Variants in RASGEF1B observed in about 807,000 individuals in gnomAD.
RASGEF1B encodes the protein ras-GEF domain-containing family member 1B.
A neutral mutation model predicts 65.7 loss-of-function variants in RASGEF1B; 30 were observed. That is an observed-to-expected ratio of 0.46 (90% confidence interval 0.34 to 0.62). The LOEUF (loss-of-function observed/expected upper bound fraction) is 0.62, where lower values mean the gene tolerates loss of function less well. Among genes scored for constraint, RASGEF1B ranks in the 20% least tolerant of loss-of-function variants. The probability of loss-of-function intolerance (pLI) is 0.01; values close to 1 mark genes in which losing one functional copy is unlikely to be tolerated. For synonymous variants in RASGEF1B, 175 were observed against 194.8 expected (o/e 0.90, Z 0.85); for missense variants, 495 against 580.1 (o/e 0.85, Z 1.51).
At chr4:81,466,691 A>T (rs1204903357) in intron 1 of RASGEF1B, among the ~76,000 whole-genome samples, 1 of 149,476 alleles carries the variant, frequency 6.7e-6, no homozygotes, top group Non-Finnish European at 1.5e-5. Flanking sequence ...CCTGGAAGAC[A>T]GAGGTTGCAG....
chr4:81,470,578 A>C (rs1722988090), intron 1 of RASGEF1B, among the ~76,000 whole-genome samples: 2 of 152,168 alleles, frequency 1.3e-5, no homozygotes. Flanking sequence ...ATAGATCTAC[A>C]CACACCAGCA....
intron 5 of RASGEF1B, among the ~76,000 whole-genome samples, 189 bp downstream of exon 5, chr4:81,447,879 TG>T (rs1457594946): frequency 6.6e-6 from 1 of 152,178 alleles, no homozygotes; most frequent in Non-Finnish European, 1.5e-5. Flanking sequence ...TATTTACAAG[TG>T]AATCCCCAGA....
chr4:81,466,300 T>G (rs1233968689), intron 1 of RASGEF1B, among the ~76,000 whole-genome samples: 2 of 152,178 alleles, frequency 1.3e-5, no homozygotes, highest in African/African-American at 2.4e-5. Context: ...TCAGCTTTAC[T>G]CCAGCTGTTA....
intron 10 of RASGEF1B, among the ~76,000 whole-genome samples, chr4:81,435,217 C>T (rs1209045588): frequency 6.6e-6 from 1 of 151,646 alleles, no homozygotes; most frequent in Non-Finnish European, 1.5e-5. Flanking sequence ...CAAGACCATC[C>T]TGGCTAACAA....
At position 81,438,173 on chromosome 4, in the gene RASGEF1B, G is replaced by A. The variant is rs779121318; in HGVS notation, c.1104+2661C>T. 2.0e-5 allele frequency among the ~76,000 whole-genome samples: 3 copies of A among 152,214 alleles called. No homozygotes were observed. In the East Asian group the frequency reaches 5.8e-4, roughly 29 times the overall value. On this transcript the variant is annotated intron_variant, in intron 10 of 13. Coordinates refer to ENST00000264400, the MANE Select transcript of RASGEF1B (RefSeq NM_152545.3). ...AAAGCCATGTAATCATATGAGAAAT[G>A]GTTAAAAACCTGGAGACACAGGTAC... is the stretch of plus-strand genomic sequence containing the variant.
intron 13 of RASGEF1B, among the ~76,000 whole-genome samples, chr4:81,430,232 C>T (rs948617460): frequency 5.9e-5 from 9 of 152,232 alleles, no homozygotes; most frequent in Admixed American, 2.0e-4. Flanking sequence ...ACCCGGGAGG[C>T]GGAGCCTGCA....
intron 9 of RASGEF1B, among the ~76,000 whole-genome samples, chr4:81,441,260 A>G (rs903878512): frequency 6.6e-6 from 1 of 152,124 alleles, no homozygotes; most frequent in African/African-American, 2.4e-5. Flanking sequence ...CTGAAGGTCA[A>G]CGGGCCCGTT....
intron 10 of RASGEF1B, among the ~76,000 whole-genome samples, chr4:81,436,491 C>A (rs1179073798): frequency 1.3e-5 from 2 of 152,122 alleles, no homozygotes; most frequent in African/African-American, 4.8e-5. Flanking sequence ...TAACCTAAAG[C>A]AATAATCTCT....
intron 1 of RASGEF1B, among the ~76,000 whole-genome samples, chr4:81,461,659 T>A (rs1033210572): frequency 1.3e-5 from 2 of 152,156 alleles, no homozygotes; most frequent in Non-Finnish European, 2.9e-5. Context: ...TCAATTAAAG[T>A]GGTGGTCTAA....
chr4:81,447,379 A>C, intron 6 of RASGEF1B, 125 bp downstream of exon 6: 2 of 738,234 alleles, frequency 2.7e-6, no homozygotes, highest in Admixed American at 5.9e-5. Context: ...CTGATGGAAA[A>C]AAAAAATTCT....
At chr4:81,434,781 A>C in intron 10 of RASGEF1B, 47 bp from the exon 11 acceptor site, 2 of 928,274 alleles carry the variant, frequency 2.2e-6, no homozygotes, top group African/African-American at 3.3e-5. Flanking sequence ...ACAAATATTT[A>C]GCCTTTCATA....
intron 13 of RASGEF1B, among the ~76,000 whole-genome samples, chr4:81,428,477 C>T (rs970832465): frequency 1.3e-5 from 2 of 152,048 alleles, no homozygotes; most frequent in Non-Finnish European, 2.9e-5. Context: ...TTTTTCTTGC[C>T]ATTGTTCCCT....
At chr4:81,447,788 A>G (rs1437200845) in intron 5 of RASGEF1B, among the ~76,000 whole-genome samples, 2 of 152,176 alleles carry the variant, frequency 1.3e-5, no homozygotes, top group African/African-American at 2.4e-5. Flanking sequence ...TGAAAGGCTG[A>G]GCAGGTTTTG....
At chr4:81,458,800 A>G (rs1722539478) in intron 2 of RASGEF1B, among the ~76,000 whole-genome samples, 1 of 152,214 alleles carries the variant, frequency 6.6e-6, no homozygotes, top group African/African-American at 2.4e-5. Context: ...AATATACAAC[A>G]AATTCCCTAG....
chr4:81,470,061 G>C (rs989641114), intron 1 of RASGEF1B, among the ~76,000 whole-genome samples: 1 of 152,056 alleles, frequency 6.6e-6, no homozygotes, highest in African/African-American at 2.4e-5. Context: ...ATATAACGCT[G>C]TTTGTAAACC....
chr4:81,445,447 TA>T, intron 8 of RASGEF1B, 78 bp downstream of exon 8: 1 of 1,016,482 alleles, frequency 9.8e-7, no homozygotes, highest in Middle Eastern at 2.1e-4. Flanking sequence ...AACAAAACCA[TA>T]CTATTTGCAC....
intron 13 of RASGEF1B, among the ~76,000 whole-genome samples, chr4:81,428,261 C>T (rs766805557): frequency 7.9e-5 from 12 of 152,138 alleles, no homozygotes; most frequent in Non-Finnish European, 1.5e-4. Context: ...CAATGAATGG[C>T]TCTAGGGCCA....
chr4:81,455,203 A>G (rs1275122602), intron 4 of RASGEF1B: 3 of 152,280 alleles, frequency 2.0e-5, no homozygotes, highest in Admixed American at 2.0e-4. Context: ...TTGGGAGGCC[A>G]AGGCCAGTGG....
At chr4:81,461,597 C>T (rs1357445010) in intron 1 of RASGEF1B, among the ~76,000 whole-genome samples, 1 of 152,140 alleles carries the variant, frequency 6.6e-6, no homozygotes, top group Non-Finnish European at 1.5e-5. Context: ...ATCACCTGGC[C>T]CAGTATCTGG....
Sources: gnomAD v4.1 joint callset for allele counts (sites outside exome capture counted in the v4.1 genomes callset) on GRCh38, gnomAD v4.1.1 for gene constraint, MANE v1.5 for transcripts, NCBI Gene and HGNC (gene_info 2026-07-23, HGNC 2026-07-21) for gene names.